Variants in SKA2 observed in about 807,000 individuals in gnomAD.
SKA2 encodes spindle and kinetochore-associated protein 2.
In SKA2, 13 loss-of-function variants were observed where a neutral mutation model predicts 16.9. The ratio of observed to expected loss-of-function variants is 0.77; its 90% CI spans 0.50 to 1.22. The LOEUF (loss-of-function observed/expected upper bound fraction) is 1.22, where lower values mean the gene tolerates loss of function less well. Ranked by LOEUF, SKA2 falls within the 50% of genes most tolerant of loss-of-function variation. The pLI is 0.00. For missense variants in SKA2, 107 were observed against 139.7 expected, an observed-to-expected ratio of 0.77 and a Z score of 1.18; for synonymous variants, 47 against 48.5, an observed-to-expected ratio of 0.97 and a Z score of 0.13.
intron 1 of SKA2, among the ~76,000 whole-genome samples, chr17:59,139,129 G>A (rs1440689092): frequency 6.6e-6 from 1 of 152,106 alleles, no homozygotes; most frequent in Non-Finnish European, 1.5e-5. Flanking sequence ...TGGGCGCAGT[G>A]GCTCACGCCT....
chr17:59,153,396 C>T lies in SKA2; in HGVS notation c.33+1735G>A, dbSNP rs114612152. Among the ~76,000 whole-genome samples the T allele has an allele frequency of 5.1e-3, 782 of 152,216 alleles. 4 individuals carry two copies. Among genetic ancestry groups the T allele is most frequent in the African/African-American group, 0.017 (726 of 41,518 alleles). On this transcript the variant is annotated intron_variant, in intron 1 of 3. Transcript: ENST00000330137. ...CAGGTTTGAAAATCTGCAGGAAATT[C>T]TTCCTTCTTCCCTCCCATTTCTCCC...
rs369616747 is a variant in SKA2, at chr17:59,129,831, G to T, written c.120+1450C>A. Among the ~76,000 whole-genome samples, 39 of 141,728 alleles carry T rather than the reference G, an allele frequency of 2.8e-4. No individual in the cohort carries two copies. In the East Asian group the frequency reaches 3.7e-3, roughly 14 times the overall value. The allele number at this position is 141,728 out of a possible 152,430, so 93.0% of individuals were successfully genotyped here. A position where few individuals can be genotyped will look rare whatever the true frequency, so the allele number is the denominator to read the frequency against. ...GATCACACCCCTGAACTCCAGCCTG[G>T]ATAACAGAAGGAAGGGAAAGGAAGG... On this transcript the variant is annotated intron_variant, in intron 2 of 3. Transcript: ENST00000330137.
chr17:59,122,403 G>A (rs753336524), intron 2 of SKA2, among the ~76,000 whole-genome samples: 1 of 152,080 alleles, frequency 6.6e-6, no homozygotes, highest in Non-Finnish European at 1.5e-5. Flanking sequence ...TTGAGGTCAG[G>A]AGTTCCAGAA....
chr17:59,155,093 A>C, intron 1 of SKA2, 38 bp downstream of exon 1: 1 of 1,614,002 alleles, frequency 6.2e-7, no homozygotes, highest in Non-Finnish European at 8.5e-7. Flanking sequence ...TGGGGGAAAA[A>C]TAAACTACCC....
chr17:59,155,186 G>A lies in SKA2; in HGVS notation c.-23C>T, dbSNP rs535796522. On this transcript the variant is annotated 5_prime_UTR_variant, in exon 1 of 4. Transcript: ENST00000330137. ...CATGTTGAATAGTTGACATTCCGCAGACCGCGGCGGCGCTTAAGCCGCAAG... is the reference window on the plus strand; with the variant it reads ...CATGTTGAATAGTTGACATTCCGCAAACCGCGGCGGCGCTTAAGCCGCAAG... The A allele has an allele frequency of 1.2e-6, 2 of 1,613,696 alleles. No homozygotes were observed. Among genetic ancestry groups the A allele is most frequent in the East Asian group, 2.2e-5 (1 of 44,876 alleles).
intron 1 of SKA2, among the ~76,000 whole-genome samples, chr17:59,138,527 C>G (rs984101154): frequency 6.6e-6 from 1 of 151,888 alleles, no homozygotes; most frequent in East Asian, 2.0e-4. Context: ...TGCCTCCAGG[C>G]TCAAGCAATT....
intron 3 of SKA2, among the ~76,000 whole-genome samples, chr17:59,117,574 T>A (rs766131927): frequency 1.1e-4 from 17 of 151,426 alleles, no homozygotes; most frequent in Non-Finnish European, 2.4e-4. Context: ...ATTTTTTTCT[T>A]CTTCTTTTTC....
intron 1 of SKA2, chr17:59,151,095 G>A (rs777930464): frequency 2.1e-5 from 10 of 477,788 alleles, no homozygotes; most frequent in East Asian, 6.5e-5. Context: ...TACTGATACC[G>A]AAGAAAGATG....
Position 59,155,143 on chromosome 17 carries a change from C to T in SKA2, c.21G>A (p.Lys7=), listed in dbSNP as rs748100480. 8 of 1,613,942 alleles carry T rather than the reference C, an allele frequency of 5.0e-6. No individual in the cohort carries two copies. The South Asian group carries it at 5.5e-5, about 11-fold the overall frequency. Residue 7 remains lysine, a synonymous_variant, in exon 1 of 4, where the codon AAG becomes AAA. Transcript: ENST00000330137. Reference sequence around the variant, plus strand: ...ACTTTGCACTCACCATCAGTTCCAGCTTATCGACCTCCGCCTCCATGTTGA... The same window carrying T: ...ACTTTGCACTCACCATCAGTTCCAGTTTATCGACCTCCGCCTCCATGTTGA... MEAEVD[K]LELMFQKAES... is the part of the protein sequence containing the mutation.
intron 3 of SKA2, among the ~76,000 whole-genome samples, chr17:59,115,481 G>A (rs999587923): frequency 6.6e-6 from 1 of 152,114 alleles, no homozygotes; most frequent in Non-Finnish European, 1.5e-5. Flanking sequence ...TGCCCAACAT[G>A]TTCACAAGGA....
At chr17:59,154,847 T>C (rs1008266184) in intron 1 of SKA2, 3 of 1,223,550 alleles carry the variant, frequency 2.5e-6, no homozygotes, top group Non-Finnish European at 1.2e-6. Context: ...CCGGCGCAGT[T>C]TCGTAAGGGG....
At chr17:59,115,574 C>T (rs2046291076) in intron 3 of SKA2, among the ~76,000 whole-genome samples, 2 of 152,102 alleles carry the variant, frequency 1.3e-5, no homozygotes, top group Admixed American at 1.3e-4. Flanking sequence ...AAATGTTATT[C>T]TGACAAGACT....
chr17:59,112,100 T>A lies in SKA2; in HGVS notation c.*177A>T. The A allele has an allele frequency of 1.7e-6, 1 of 585,742 alleles. No individual in the cohort carries two copies. The highest frequency in any genetic ancestry group is 2.3e-5 in the South Asian group (1 of 43,148). The allele number at this position is 585,742 out of a possible 1,614,324, so 36.3% of individuals were successfully genotyped here. A position where few individuals can be genotyped will look rare whatever the true frequency, so the allele number is the denominator to read the frequency against. ...CTTTTGGCTGAACTTTATTCATATA[T>A]TATCTGCCCTTCTTCTTATAATCTC... is the stretch of plus-strand genomic sequence containing the variant. On this transcript the variant is annotated 3_prime_UTR_variant, in exon 4 of 4. Coordinates refer to ENST00000330137, the MANE Select transcript of SKA2 (RefSeq NM_182620.4).
At chr17:59,125,633 G>C (rs1466228720) in intron 2 of SKA2, among the ~76,000 whole-genome samples, 14 of 148,670 alleles carry the variant, frequency 9.4e-5, no homozygotes, top group African/African-American at 3.5e-4. Context: ...CCAGTGAGCC[G>C]AGATCATGCC....
At chr17:59,120,758 T>C (rs2046326971) in intron 2 of SKA2, among the ~76,000 whole-genome samples, 1 of 152,160 alleles carries the variant, frequency 6.6e-6, no homozygotes, top group Non-Finnish European at 1.5e-5. Context: ...CATCCATTTT[T>C]CAACAGCAAC....
rs1464048067 is a variant in SKA2, at chr17:59,129,973, G to A, written c.120+1308C>T. On this transcript the variant is annotated intron_variant, in intron 2 of 3. Transcript: ENST00000330137. ...GGAAGGAGGGAAGGAAGGAAGGGAG[G>A]AAGGGAGGGTAAGGGGAAGGGAAGG... 2.2e-5 allele frequency among the ~76,000 whole-genome samples: 3 copies of A among 138,366 alleles called. No individual in the cohort carries two copies. The East Asian group carries it at 7.0e-4, about 32-fold the overall frequency. 90.8% of individuals were successfully genotyped at this position (138,366 alleles called of 152,430 possible). A position where few individuals can be genotyped will look rare whatever the true frequency, so the allele number is the denominator to read the frequency against.
chr17:59,136,449 C>T (rs1001467594), intron 1 of SKA2, among the ~76,000 whole-genome samples: 2 of 152,104 alleles, frequency 1.3e-5, no homozygotes, highest in African/African-American at 4.8e-5. Flanking sequence ...CAGGTGTGAA[C>T]CACTGTGCCT....
intron 1 of SKA2, among the ~76,000 whole-genome samples, chr17:59,133,243 T>A (rs1367145398): frequency 2.6e-5 from 4 of 152,250 alleles, no homozygotes; most frequent in African/African-American, 7.2e-5. Flanking sequence ...ATTACAGACG[T>A]GAGCCACCAT....
intron 1 of SKA2, among the ~76,000 whole-genome samples, chr17:59,144,028 C>T (rs557934987): frequency 2.3e-4 from 35 of 152,018 alleles, no homozygotes; most frequent in African/African-American, 8.2e-4. Flanking sequence ...TGGCGTCATG[C>T]GCCTGTAGTC....
Sources: gnomAD v4.1 joint callset for allele counts (sites outside exome capture counted in the v4.1 genomes callset) on GRCh38, gnomAD v4.1.1 for gene constraint, MANE v1.5 for transcripts, NCBI Gene and HGNC (gene_info 2026-07-23, HGNC 2026-07-21) for gene names.